Variants in HMG20B observed in about 807,000 individuals in gnomAD.
HMG20B encodes the protein SWI/SNF-related matrix-associated actin-dependent regulator of chromatin subfamily E member 1-related.
Under a neutral mutation model 41.6 loss-of-function variants are expected in HMG20B, and 24 were observed. The ratio of observed to expected loss-of-function variants is 0.58; its 90% CI spans 0.42 to 0.81. The LOEUF (loss-of-function observed/expected upper bound fraction) is 0.81. HMG20B is among the 30% of genes least tolerant of loss of function. The pLI is 0.00. For synonymous variants in HMG20B, 251 were observed against 186.6 expected, an observed-to-expected ratio of 1.34 and a Z score of -2.81; for missense variants, 461 against 444.0, an observed-to-expected ratio of 1.04 and a Z score of -0.34.
In HMG20B at chr19:3,575,673, G is replaced by A. The variant is rs1207088122; in HGVS notation, c.472+13G>A. 1.3e-6 allele frequency: 2 copies of A among 1,548,360 alleles called. No homozygotes were observed. Among genetic ancestry groups the A allele is most frequent in the Non-Finnish European group, 8.7e-7 (1 of 1,146,088 alleles). ...AAGATCAAGAAAGGTGGGAGGGGTC[G>A]GGCGCGGTGGCTCACGCCTGTCATC... is the stretch of plus-strand genomic sequence containing the variant. On this transcript the variant is annotated intron_variant, in intron 5 of 9. Transcript: ENST00000333651.
At chr19:3,575,910 C>CTA in intron 5 of HMG20B, 1 of 460,864 alleles carries the variant, frequency 2.2e-6, no homozygotes, top group Non-Finnish European at 3.9e-6. Flanking sequence ...CGCCATTGCA[C>CTA]TCTAGCCAGG....
rs2032080668 is a variant in HMG20B at position 3,573,276 on chromosome 19, C to T, written c.-18-16C>T. On this transcript the variant is annotated splice_polypyrimidine_tract_variant and intron_variant, in intron 1 of 9. Coordinates refer to ENST00000333651, the MANE Select transcript of HMG20B (RefSeq NM_006339.3). The stretch of plus-strand genomic sequence containing the variant: ...AGCCCGGGCGCTACTCACCTCCGCC[C>T]GCGTCCGTGTTCCAGGTCCGGCCCG... The T allele has an allele frequency of 1.3e-6, 2 of 1,518,162 alleles. No homozygotes were observed. The highest frequency in any genetic ancestry group is 2.0e-5 in the Admixed American group (1 of 49,478). 94.0% of individuals were successfully genotyped at this position (1,518,162 alleles called of 1,614,324 possible).
intron 5 of HMG20B, chr19:3,575,962 A>C: frequency 1.9e-6 from 1 of 523,698 alleles, no homozygotes; most frequent in East Asian, 3.2e-5. Flanking sequence ...AAAAAAAAGA[A>C]AAAGAAAAAT....
intron 1 of HMG20B, 123 bp from the exon 2 acceptor site, chr19:3,573,169 A>G: frequency 1.4e-6 from 1 of 727,562 alleles, no homozygotes; most frequent in Non-Finnish European, 2.1e-6. Context: ...CTGCCCCTGG[A>G]TCCGGCCCCC....
rs1046228927 is a variant in HMG20B at position 3,577,039 on chromosome 19, C to T, written c.740C>T (p.Ala247Val). The change falls in exon 8 of 10, where the codon GCG becomes GTG. Residue 247 changes from alanine to valine, a missense_variant. Around this residue, in one of 3 missense-constraint regions of HMG20B, gnomAD observed 308 missense variants for 283.4 expected, o/e 1.09. Coordinates refer to ENST00000333651, the MANE Select transcript of HMG20B (RefSeq NM_006339.3). ...GCGCTGGAGGAGCGGAGGACGCTGG[C>T]GCTGCAGCAGCAGCTCCAGGCCGTG... ...ELALEERRTL[A>V]LQQQLQAVRQ... The T allele has an allele frequency of 2.6e-6, 4 of 1,548,856 alleles. No individual in the cohort carries two copies. In the African/African-American group the frequency reaches 4.1e-5, roughly 16 times the overall value.
intron 5 of HMG20B, chr19:3,575,919 G>C (rs538178388): frequency 3.6e-5 from 17 of 470,660 alleles, no homozygotes; most frequent in African/African-American, 3.2e-4. Flanking sequence ...ACTCTAGCCA[G>C]GGCGACAGGG....
intron 1 of HMG20B, 42 bp downstream of exon 1, chr19:3,573,036 G>A: frequency 2.4e-6 from 1 of 418,114 alleles, no homozygotes; most frequent in Non-Finnish European, 4.3e-6. Flanking sequence ...GAGGGGGCGG[G>A]GGTGCAGGGG....
chr19:3,573,778 A>T lies in HMG20B; in HGVS notation c.125A>T (p.Glu42Val). 1 of 1,578,446 alleles carries T rather than the reference A, an allele frequency of 6.3e-7. No homozygotes were observed. ...CGCGGCGAGGGTCCACGCGCGGGCGAGAAGGGGTCCCACGAGGAGGAGGTG... is the reference window on the plus strand; with the variant it reads ...CGCGGCGAGGGTCCACGCGCGGGCGTGAAGGGGTCCCACGAGGAGGAGGTG... ...QERGEGPRAG[E>V]KGSHEEEPVK... The change falls in exon 3 of 10, where the codon GAG becomes GTG. Residue 42 changes from glutamate to valine, a missense_variant. Transcript: ENST00000333651.
intron 2 of HMG20B, 171 bp downstream of exon 2, chr19:3,573,518 C>T: frequency 1.1e-6 from 1 of 903,454 alleles, no homozygotes; most frequent in Non-Finnish European, 1.6e-6. Context: ...CAGTCCCTCC[C>T]AGGAGCCCCG....
In HMG20B at chr19:3,576,262, A is replaced by G; in HGVS notation, c.474A>G (p.Glu158=). 6.2e-7 allele frequency: 1 copy of G among 1,613,854 alleles called. No homozygotes were observed. The highest frequency in any genetic ancestry group is 8.5e-7 in the Non-Finnish European group (1 of 1,179,840). ...CCTGCCCTTCCCCTCCCCCGCCAGA[A>G]GACTCGAGCTCTGGGCTCATGAACA... ...EKIQEKKIKK[E]DSSSGLMNTL... The change falls in exon 6 of 10, where the codon GAA becomes GAG. Residue 158 remains glutamate (E), a splice_region_variant and synonymous_variant. Coordinates refer to ENST00000333651, the MANE Select transcript of HMG20B (RefSeq NM_006339.3).
intron 9 of HMG20B, 87 bp downstream of exon 9, chr19:3,578,200 G>A (rs1568273754): frequency 2.0e-6 from 3 of 1,531,344 alleles, no homozygotes; most frequent in East Asian, 2.3e-5. Flanking sequence ...GAGGGCTGCT[G>A]GGTGGGACTC....
At chr19:3,577,190 CCCTGTCG>C in intron 8 of HMG20B, 83 bp downstream of exon 8, 1 of 1,057,240 alleles carries the variant, frequency 9.5e-7, no homozygotes, top group Non-Finnish European at 1.3e-6. Context: ...TCCCCCCTTC[CCCTGTCG>C]CCCGGCGCCG....
At chr19:3,576,739 C>G in intron 7 of HMG20B, 114 bp downstream of exon 7, 1 of 1,256,020 alleles carries the variant, frequency 8.0e-7, no homozygotes, top group Non-Finnish European at 1.1e-6. Flanking sequence ...TCCCTATGAG[C>G]GTCCAGGCGC....
Position 3,573,710 on chromosome 19 carries a change from T to C in HMG20B, c.57T>C (p.Ala19=), listed in dbSNP as rs1419035465. 5 of 1,511,220 alleles carry C rather than the reference T, an allele frequency of 3.3e-6. No individual in the cohort carries two copies. Among genetic ancestry groups the C allele is most frequent in the East Asian group, 2.4e-5 (1 of 40,974 alleles). 93.6% of individuals were successfully genotyped at this position (1,511,220 alleles called of 1,614,324 possible). Residue 19 remains alanine, a synonymous_variant, in exon 3 of 10, where the codon GCT becomes GCC. Coordinates refer to ENST00000333651, the MANE Select transcript of HMG20B (RefSeq NM_006339.3). ...GAAAAPAGGK[A]PGQHGGFVVT... Reference sequence around the variant, plus strand: ...GCTCCAGGCCGGCGGGCGGCAAGGCTCCGGGCCAGCATGGGGGCTTCGTGG... The same window carrying C: ...GCTCCAGGCCGGCGGGCGGCAAGGCCCCGGGCCAGCATGGGGGCTTCGTGG...
chr19:3,574,385 G>T lies in HMG20B; in HGVS notation c.150G>T (p.Pro50=), dbSNP rs2032112474. Residue 50 remains proline, a splice_region_variant and synonymous_variant, in exon 4 of 10, where the codon CCG becomes CCT. Transcript: ENST00000333651. ...AACGACGCAGCCCGGTTCTGCAGCC[G>T]GTGAAGAAACGCGGCTGGCCCAAGG... is the stretch of plus-strand genomic sequence containing the variant. ...AGEKGSHEEE[P]VKKRGWPKGK... The T allele has an allele frequency of 2.0e-6, 3 of 1,532,842 alleles. No homozygotes were observed. Among genetic ancestry groups the T allele is most frequent in the Middle Eastern group, 1.7e-4 (1 of 5,756 alleles). 95.0% of individuals were successfully genotyped at this position (1,532,842 alleles called of 1,614,324 possible). A position where few individuals can be genotyped will look rare whatever the true frequency, so the allele number is the denominator to read the frequency against.
At chr19:3,573,939 C>T (rs1163406407) in intron 3 of HMG20B, 139 bp downstream of exon 3, 2 of 813,278 alleles carry the variant, frequency 2.5e-6, no homozygotes, top group Admixed American at 2.0e-5. Context: ...CCGCCCCGTG[C>T]CAGCTGCCAC....
At chr19:3,578,351 G>A (rs894779173) in intron 9 of HMG20B, 158 bp from the exon 10 acceptor site, 1 of 1,213,002 alleles carries the variant, frequency 8.2e-7, no homozygotes, top group African/African-American at 1.5e-5. Flanking sequence ...TTCTCAGGGT[G>A]GATCCCAGCG....
chr19:3,576,354 G>C, intron 6 of HMG20B, 47 bp downstream of exon 6: 6 of 1,586,866 alleles, frequency 3.8e-6, no homozygotes, highest in Non-Finnish European at 5.2e-6. Flanking sequence ...GAAAGGTCTG[G>C]AGGCTTCTAG....
Position 3,578,513 on chromosome 19 carries a change from C to A in HMG20B, c.946C>A (p.His316Asn). The stretch of plus-strand genomic sequence containing the variant: ...GGCCCTCCTCTCTCGTTTCAGCGAG[C>A]ACCTGTGAGGAGTGGGCGGGCCCAC... ...KEILAQVASE[H>N]L Residue 316 changes from histidine to asparagine, a missense_variant, in exon 10 of 10, where the codon CAC becomes AAC. His to Asn is a moderately conservative substitution (Grantham distance 68). Around this residue, in one of 3 missense-constraint regions of HMG20B, gnomAD observed 308 missense variants for 283.4 expected, o/e 1.09. Transcript: ENST00000333651. The A allele has an allele frequency of 1.3e-6, 2 of 1,556,648 alleles. No homozygotes were observed. The highest frequency in any genetic ancestry group is 1.7e-6 in the Non-Finnish European group (2 of 1,151,678).
Sources: allele counts gnomAD v4.1 joint callset, GRCh38; gene constraint gnomAD v4.1.1; regional missense constraint gnomAD v4.1.1; transcripts MANE v1.5; gene names NCBI Gene and HGNC (gene_info 2026-07-23, HGNC 2026-07-21).